The following TXNRD2 variants were observed in gnomAD, a reference collection of about 807,000 sequenced individuals.
TXNRD2 encodes thioredoxin reductase 2.
TXNRD2 carries 67 observed loss-of-function variants against 70.8 expected under a neutral mutation model. That is an observed-to-expected ratio of 0.95 (90% CI 0.78 to 1.16). TXNRD2 has a LOEUF of 1.16. TXNRD2 is among the 50% of genes most tolerant of loss of function. TXNRD2 has a pLI of 0.00. For synonymous variants in TXNRD2, 301 were observed against 295.8 expected (o/e 1.02, Z -0.18); for missense variants, 644 against 719.9 (o/e 0.89, Z 1.21).
chr22:19,899,586 G>A (rs1030368690), intron 8 of TXNRD2, among the ~76,000 whole-genome samples: 5 of 152,256 alleles, frequency 3.3e-5, no homozygotes, highest in Admixed American at 1.3e-4. Flanking sequence ...GGGGACTGAA[G>A]GACCCCAGGG....
Position 19,941,718 on chromosome 22 carries a change from G to GCGCCCCGCACCC in TXNRD2, c.74_85dup (p.Gly25_Gly28dup). 1 of 1,484,868 alleles carries GCGCCCCGCACCC rather than the reference G, an allele frequency of 6.7e-7. No homozygotes were observed. Among genetic ancestry groups the GCGCCCCGCACCC allele is most frequent in the South Asian group, 1.3e-5 (1 of 78,910 alleles). 92.0% of individuals were successfully genotyped at this position (1,484,868 alleles called of 1,614,324 possible). A position where few individuals can be genotyped will look rare whatever the true frequency, so the allele number is the denominator to read the frequency against. Reference sequence around the variant, plus strand: ...CATCCTACCTGCTGCGCCCCGCGCCGCGCCCCGCACCCCGCCCGCCACGGC... The same window carrying GCGCCCCGCACCC: ...CATCCTACCTGCTGCGCCCCGCGCCGCGCCCCGCACCCCGCCCCGCACCCCGCCCGCCACGGC... On this transcript the variant is annotated inframe_insertion, in exon 1 of 18. Transcript: ENST00000400521.
intron 2 of TXNRD2, among the ~76,000 whole-genome samples, chr22:19,926,023 C>G (rs1230777246): frequency 1.3e-5 from 2 of 151,534 alleles, no homozygotes; most frequent in Non-Finnish European, 2.9e-5. Flanking sequence ...ATTAGCCAGG[C>G]GTGGTGGTGC....
At chr22:19,894,373 T>C (rs531534652) in intron 11 of TXNRD2, 1 of 152,662 alleles carries the variant, frequency 6.6e-6, no homozygotes, top group South Asian at 2.1e-4. Flanking sequence ...CACTGAACTA[T>C]ATACTTTAAA....
chr22:19,899,011 G>A, intron 9 of TXNRD2, 38 bp downstream of exon 9: 1 of 1,604,134 alleles, frequency 6.2e-7, no homozygotes, highest in Non-Finnish European at 8.5e-7. Context: ...GGAGTGTCCA[G>A]TTCCCAGGAC....
chr22:19,928,921 G>A (rs1327141278), intron 2 of TXNRD2, among the ~76,000 whole-genome samples: 2 of 151,284 alleles, frequency 1.3e-5, no homozygotes, highest in South Asian at 2.1e-4. Flanking sequence ...CAGGAGAATC[G>A]CTTGAACCCA....
rs1941729002 is a variant in TXNRD2, at chr22:19,941,764, GC to G, written c.39del (p.Arg14AlafsTer83). 4 of 1,514,690 alleles carry G rather than the reference GC, an allele frequency of 2.6e-6. No homozygotes were observed. In the South Asian group the frequency reaches 4.9e-5, roughly 19 times the overall value. The allele number at this position is 1,514,690 out of a possible 1,614,324, so 93.8% of individuals were successfully genotyped here. The part of the protein sequence containing the change: ...AMAVALRGLG[G>X]RFRWRTQAVA... ...ACGGCCTGCGTCCGCCACCGGAAGC[GC>G]CCTCCTAATCCCCGCAGCGCCACCG... On this transcript the variant is annotated frameshift_variant, in exon 1 of 18. Transcript: ENST00000400521. LOFTEE classifies it high-confidence loss of function.
At chr22:19,892,900 ATAAT>A (rs1939330507) in intron 11 of TXNRD2, among the ~76,000 whole-genome samples, 1 of 152,236 alleles carries the variant, frequency 6.6e-6, no homozygotes, top group African/African-American at 2.4e-5. Context: ...AGTGTTTATC[ATAAT>A]AAACTTACTT....
chr22:19,893,546 T>C, intron 11 of TXNRD2, among the ~76,000 whole-genome samples: 1 of 152,200 alleles, frequency 6.6e-6, no homozygotes, highest in Non-Finnish European at 1.5e-5. Context: ...GCGATCCCTG[T>C]TGGCTCCAGC....
chr22:19,901,699 G>A (rs1232383437), intron 8 of TXNRD2, among the ~76,000 whole-genome samples: 1 of 152,196 alleles, frequency 6.6e-6, no homozygotes, highest in Non-Finnish European at 1.5e-5. Context: ...CAGGGATAGA[G>A]AGTACCCAAA....
rs78056771 is a variant in TXNRD2 at position 19,876,745 on chromosome 22, C to T, written c.*65+295G>A. On this transcript the variant is annotated intron_variant, in intron 17 of 17. Coordinates refer to ENST00000400521, the MANE Select transcript of TXNRD2 (RefSeq NM_006440.5). ...TTTAGCCCACCCGGGACACCTTCCACGCCAACATCCACCTGGGATAGGCTG... is the reference window on the plus strand; with the variant it reads ...TTTAGCCCACCCGGGACACCTTCCATGCCAACATCCACCTGGGATAGGCTG... 4.9e-3 allele frequency: 900 copies of T among 183,154 alleles called. 20 individuals are homozygous for T. In the South Asian group the frequency reaches 0.069, roughly 14 times the overall value. 11.3% of individuals were successfully genotyped at this position (183,154 alleles called of 1,614,324 possible).
intron 6 of TXNRD2, among the ~76,000 whole-genome samples, 193 bp downstream of exon 6, chr22:19,915,572 C>A (rs1940600148): frequency 6.6e-6 from 1 of 152,194 alleles, no homozygotes; most frequent in African/African-American, 2.4e-5. Context: ...TGTTGCCATG[C>A]CACTCCGAGC....
intron 17 of TXNRD2, 56 bp downstream of exon 17, chr22:19,876,984 T>G: frequency 7.6e-7 from 1 of 1,312,962 alleles, no homozygotes; most frequent in Non-Finnish European, 1.0e-6. Context: ...TGGCCAGGGC[T>G]CCTGCACCCC....
chr22:19,937,849 C>G (rs535635703), intron 1 of TXNRD2: 1 of 152,348 alleles, frequency 6.6e-6, no homozygotes, highest in South Asian at 2.1e-4. Context: ...TCCCTTGCCA[C>G]AGAACCAGGG....
intron 8 of TXNRD2, among the ~76,000 whole-genome samples, chr22:19,909,798 TCACACACACCACTCA>T (rs1297757202): frequency 3.2e-5 from 1 of 31,144 alleles, no homozygotes; most frequent in Admixed American, 3.8e-4. Context: ...CACACACCAC[TCACACACACCACTCA>T]CACACACACC....
Position 19,941,745 on chromosome 22 carries a change from T to A in TXNRD2, c.59A>T (p.Gln20Leu). The change falls in exon 1 of 18, where the codon CAG becomes CTG. Residue 20 changes from glutamine (Q) to leucine (L), a missense_variant. Physicochemically the swap from Gln to Leu is moderately radical, Grantham distance 113 (BLOSUM62 -2). Coordinates refer to ENST00000400521, the MANE Select transcript of TXNRD2 (RefSeq NM_006440.5). ...GLGGRFRWRT[Q>L]AVAGGVRGAA... is the part of the protein sequence containing the mutation. The stretch of plus-strand genomic sequence containing the variant: ...GCCCCGCACCCCGCCCGCCACGGCC[T>A]GCGTCCGCCACCGGAAGCGCCCTCC... 6.7e-7 allele frequency: 1 copy of A among 1,498,478 alleles called. No individual in the cohort carries two copies. Among genetic ancestry groups the A allele is most frequent in the Non-Finnish European group, 8.8e-7 (1 of 1,131,778 alleles). 92.8% of individuals were successfully genotyped at this position (1,498,478 alleles called of 1,614,324 possible). A position where few individuals can be genotyped will look rare whatever the true frequency, so the allele number is the denominator to read the frequency against.
intron 1 of TXNRD2, among the ~76,000 whole-genome samples, chr22:19,937,642 C>T (rs1418140572): frequency 2.6e-5 from 4 of 152,106 alleles, no homozygotes; most frequent in East Asian, 3.9e-4. Context: ...CAAACTGGCT[C>T]GACTGATTCT....
At chr22:19,897,030 C>T (rs571338209) in intron 10 of TXNRD2, among the ~76,000 whole-genome samples, 1 of 152,340 alleles carries the variant, frequency 6.6e-6, no homozygotes, top group South Asian at 2.1e-4. Flanking sequence ...GGCCCCTTTC[C>T]TCCTCCGTCC....
intron 10 of TXNRD2, among the ~76,000 whole-genome samples, chr22:19,895,916 A>C (rs1939485269): frequency 6.6e-6 from 1 of 152,222 alleles, no homozygotes; most frequent in Non-Finnish European, 1.5e-5. Context: ...AGAATCCCTC[A>C]AGCCCAGGAG....
rs1232019650 is a variant in TXNRD2 at position 19,898,150 on chromosome 22, G to A, written c.683-20C>T. 1.9e-6 allele frequency: 3 copies of A among 1,551,372 alleles called. No individual in the cohort carries two copies. The highest frequency in any genetic ancestry group is 4.9e-5 in the East Asian group (2 of 41,000). On this transcript the variant is annotated intron_variant, in intron 9 of 17. Coordinates refer to ENST00000400521, the MANE Select transcript of TXNRD2 (RefSeq NM_006440.5). ...CCACATCTGTGGGGTGCCAGCTAAGGAGCACTGTAGATCCCAATTTTGGAA... is the reference window on the plus strand; with the variant it reads ...CCACATCTGTGGGGTGCCAGCTAAGAAGCACTGTAGATCCCAATTTTGGAA...
Sources: gnomAD v4.1 joint callset for allele counts (sites outside exome capture counted in the v4.1 genomes callset) on GRCh38, gnomAD v4.1.1 for gene constraint, MANE v1.5 for transcripts, NCBI Gene and HGNC (gene_info 2026-07-23, HGNC 2026-07-21) for gene names.